The following THSD4 variants were observed in gnomAD, a reference collection of about 807,000 sequenced individuals.
The protein encoded by THSD4 is thrombospondin type 1 domain containing 4.
THSD4 carries 69 observed loss-of-function variants against 119.0 expected under a neutral mutation model. That is an observed-to-expected ratio of 0.58 (90% CI 0.48 to 0.71). The LOEUF is 0.71. Ranked by LOEUF, THSD4 falls within the 30% of genes least tolerant of loss-of-function variation. THSD4 has a pLI of 0.00. For missense variants in THSD4, 1,393 were observed against 1,391.1 expected (o/e 1.00, Z -0.02); for synonymous variants, 524 against 540.4 (o/e 0.97, Z 0.42).
In THSD4 at chr15:71,683,471, C is replaced by T. The variant is rs112734647; in HGVS notation, c.1357+22737C>T. On this transcript the variant is annotated intron_variant, in intron 8 of 17. Coordinates refer to ENST00000261862, the MANE Select transcript of THSD4 (RefSeq NM_024817.3). ...AAAATTCTACCGGGGAAACTGGAGACGAAAGAACAAAAAGGTAATTTCAGA... is the reference window on the plus strand; with the variant it reads ...AAAATTCTACCGGGGAAACTGGAGATGAAAGAACAAAAAGGTAATTTCAGA... Among the ~76,000 whole-genome samples the T allele has an allele frequency of 7.5e-3, 1,134 of 151,718 alleles. 13 individuals carry two copies. Among genetic ancestry groups the T allele is most frequent in the African/African-American group, 0.026 (1,080 of 41,294 alleles).
intron 3 of THSD4, among the ~76,000 whole-genome samples, chr15:71,193,651 G>A (rs1344878574): frequency 6.6e-6 from 1 of 152,184 alleles, no homozygotes; most frequent in Non-Finnish European, 1.5e-5. Flanking sequence ...AATCATGGGG[G>A]TGGTTCCCCC....
At position 71,242,801 on chromosome 15, in the gene THSD4, C is replaced by T. The variant is rs1298156567; in HGVS notation, c.617C>T (p.Ser206Phe). ...SRHSRSQGAS[S>F]ARHGYSSPAH... ...CATTCCAGGTCCCAGGGAGCATCTT[C>T]TGCTAGGCATGGCTACAGTTCACCA... The change falls in exon 5 of 18, where the codon TCT becomes TTT. Residue 206 changes from serine (S) to phenylalanine (F), a missense_variant. Ser to Phe is a radical substitution (Grantham distance 155). Coordinates refer to ENST00000261862, the MANE Select transcript of THSD4 (RefSeq NM_024817.3). The T allele has an allele frequency of 1.2e-6, 2 of 1,614,220 alleles. No homozygotes were observed. Among genetic ancestry groups the T allele is most frequent in the Admixed American group, 1.7e-5 (1 of 60,024 alleles).
intron 9 of THSD4, chr15:71,729,231 T>C (rs2052926206): frequency 1.3e-5 from 2 of 154,576 alleles, no homozygotes; most frequent in Admixed American, 1.3e-4. Context: ...TAGAGAGATT[T>C]ACTAGAAGCT....
At chr15:71,414,498 C>T (rs1260553986) in intron 7 of THSD4, among the ~76,000 whole-genome samples, 2 of 152,094 alleles carry the variant, frequency 1.3e-5, no homozygotes, top group African/African-American at 4.8e-5. Flanking sequence ...CTGCTGGTCC[C>T]TGGATCATAT....
At chr15:71,616,172 T>G (rs2140919180) in intron 7 of THSD4, among the ~76,000 whole-genome samples, 1 of 152,246 alleles carries the variant, frequency 6.6e-6, no homozygotes, top group South Asian at 2.1e-4. Flanking sequence ...AAAAAAAATC[T>G]GTTGAACAGA....
In THSD4 at chr15:71,215,229, C is replaced by T. The variant is rs565810553; in HGVS notation, c.294C>T (p.Arg98=). Residue 98 remains arginine (R), a synonymous_variant, in exon 4 of 18, where the codon CGC becomes CGT. Coordinates refer to ENST00000261862, the MANE Select transcript of THSD4 (RefSeq NM_024817.3). ...RGGQRPGAPA[R]AFADHVVSAV... ...GCCAGCGGCCTGGCGCCCCTGCGCGCGCCTTCGCGGACCACGTGGTGTCGG... is the reference window on the plus strand; with the variant it reads ...GCCAGCGGCCTGGCGCCCCTGCGCGTGCCTTCGCGGACCACGTGGTGTCGG... 143 of 1,422,110 alleles carry T rather than the reference C, an allele frequency of 1.0e-4. No homozygotes were observed. The East Asian group carries it at 3.9e-3, about 39-fold the overall frequency. The allele number at this position is 1,422,110 out of a possible 1,614,324, so 88.1% of individuals were successfully genotyped here.
chr15:71,706,302 C>T lies in THSD4; in HGVS notation c.1358-22247C>T, dbSNP rs117292245. 6.8e-3 allele frequency among the ~76,000 whole-genome samples: 1,029 copies of T among 152,146 alleles called. 12 individuals carry two copies. Among genetic ancestry groups the T allele is most frequent in the Non-Finnish European group, 9.2e-3 (628 of 67,988 alleles). On this transcript the variant is annotated intron_variant, in intron 8 of 17. Coordinates refer to ENST00000261862, the MANE Select transcript of THSD4 (RefSeq NM_024817.3). Reference sequence around the variant, plus strand: ...AAGAGCCAGGGGAACCCAGAGGTCTCCAGCCTGATGACTGGGAGGACACCT... The same window carrying T: ...AAGAGCCAGGGGAACCCAGAGGTCTTCAGCCTGATGACTGGGAGGACACCT...
At chr15:71,727,309 G>A (rs1383215152) in intron 8 of THSD4, among the ~76,000 whole-genome samples, 1 of 152,030 alleles carries the variant, frequency 6.6e-6, no homozygotes, top group South Asian at 2.1e-4. Context: ...TCATAGAAGT[G>A]AATGAAGCTG....
chr15:71,673,971 A>T (rs1256638430), intron 8 of THSD4, among the ~76,000 whole-genome samples: 2 of 152,210 alleles, frequency 1.3e-5, no homozygotes, highest in East Asian at 3.8e-4. Context: ...TAACTGGCAC[A>T]GTTGTGTGTT....
intron 8 of THSD4, among the ~76,000 whole-genome samples, chr15:71,717,570 G>A (rs1206821971): frequency 7.3e-6 from 1 of 137,536 alleles, no homozygotes; most frequent in Non-Finnish European, 1.6e-5. Context: ...AAAAAATCTT[G>A]AGAAACTTAA....
rs1596314285 is a variant in THSD4, at chr15:71,284,968, A to G, written c.1015+28253A>G. ...CACTTTTTATTGCAATGTTTCTACAAACTAATATTCAACCACTGTCTGCAT... is the reference window on the plus strand; with the variant it reads ...CACTTTTTATTGCAATGTTTCTACAGACTAATATTCAACCACTGTCTGCAT... On this transcript the variant is annotated intron_variant, in intron 6 of 17. Transcript: ENST00000261862. Among the ~76,000 whole-genome samples, 3 of 152,278 alleles carry G rather than the reference A, an allele frequency of 2.0e-5. No homozygotes were observed. In the East Asian group the frequency reaches 5.8e-4, roughly 29 times the overall value.
At chr15:71,708,474 T>A (rs936426300) in intron 8 of THSD4, among the ~76,000 whole-genome samples, 6 of 152,196 alleles carry the variant, frequency 3.9e-5, no homozygotes, top group African/African-American at 1.4e-4. Context: ...TGAGACAGTC[T>A]TGAGAAAATA....
intron 7 of THSD4, among the ~76,000 whole-genome samples, chr15:71,464,641 A>G (rs931214697): frequency 6.6e-6 from 1 of 152,128 alleles, no homozygotes; most frequent in Non-Finnish European, 1.5e-5. Flanking sequence ...GTCCCTCAGT[A>G]TCATCTTTCT....
At chr15:71,557,528 G>A (rs1380332857) in intron 7 of THSD4, among the ~76,000 whole-genome samples, 3 of 151,976 alleles carry the variant, frequency 2.0e-5, no homozygotes, top group Non-Finnish European at 2.9e-5. Flanking sequence ...CTAATGTCTG[G>A]AGGATTTTCT....
chr15:71,760,298 T>C (rs748706249), intron 15 of THSD4, among the ~76,000 whole-genome samples: 1 of 152,182 alleles, frequency 6.6e-6, no homozygotes, highest in African/African-American at 2.4e-5. Flanking sequence ...GTGGCCCTAC[T>C]GAGGCTTGTG....
chr15:71,262,556 C>T (rs186658793), intron 6 of THSD4, among the ~76,000 whole-genome samples: 28 of 152,220 alleles, frequency 1.8e-4, no homozygotes, highest in Non-Finnish European at 2.9e-4. Context: ...GGCTATAGGG[C>T]ATCAGATATC....
chr15:71,697,083 G>A (rs538477080), intron 8 of THSD4, among the ~76,000 whole-genome samples: 1 of 152,332 alleles, frequency 6.6e-6, no homozygotes, highest in South Asian at 2.1e-4. Flanking sequence ...ATAAGACGGT[G>A]AAGGAGCAAA....
intron 7 of THSD4, among the ~76,000 whole-genome samples, chr15:71,461,101 A>G (rs2047423411): frequency 6.6e-6 from 1 of 152,236 alleles, no homozygotes; most frequent in Admixed American, 6.5e-5. Flanking sequence ...GTTCTGGCTT[A>G]GGGCCTCCCA....
Position 71,471,950 on chromosome 15 carries a change from T to TA in THSD4, c.1152+60127_1152+60128insA, listed in dbSNP as rs1377969290. On this transcript the variant is annotated intron_variant, in intron 7 of 17. Coordinates refer to ENST00000261862, the MANE Select transcript of THSD4 (RefSeq NM_024817.3). ...TTTGTTCTGAGAGAGGATCTTGCTC[T>TA]GTCACCCAGGCTACAGTGCAGTGGC... 3.9e-5 allele frequency among the ~76,000 whole-genome samples: 6 copies of TA among 152,276 alleles called. No homozygotes were observed. In the East Asian group the frequency reaches 1.2e-3, roughly 29 times the overall value.
Sources: gnomAD v4.1 joint callset for allele counts (sites outside exome capture counted in the v4.1 genomes callset) on GRCh38, gnomAD v4.1.1 for gene constraint, MANE v1.5 for transcripts, NCBI Gene and HGNC (gene_info 2026-07-23, HGNC 2026-07-21) for gene names.